ABCB1: variants seen among roughly 807,000 people sequenced by gnomAD.
ABCB1 encodes the protein ATP-dependent translocase ABCB1.
Under a neutral mutation model 142.0 loss-of-function variants are expected in ABCB1, and 69 were observed. That is an observed-to-expected ratio of 0.49 (90% CI 0.40 to 0.59). ABCB1 has a LOEUF of 0.59. Ranked by LOEUF, ABCB1 falls within the 20% of genes least tolerant of loss-of-function variation. ABCB1 has a pLI of 0.00. For missense variants in ABCB1, 1,326 were observed against 1,554.7 expected (o/e 0.85, Z 2.47); for synonymous variants, 532 against 539.2 (o/e 0.99, Z 0.18).
At chr7:87,546,569 A>T (rs7804127) in intron 14 of ABCB1, among the ~76,000 whole-genome samples, 6 of 144,784 alleles carry the variant, frequency 4.1e-5, no homozygotes, top group Non-Finnish European at 9.2e-5. Flanking sequence ...AAAAAAAAAT[A>T]AAAAATAAAA....
chr7:87,531,221 G>A (rs1816041260), intron 21 of ABCB1, 73 bp downstream of exon 21: 1 of 1,251,964 alleles, frequency 8.0e-7, no homozygotes, highest in Non-Finnish European at 1.2e-6. Flanking sequence ...GTAAGCAGTA[G>A]GGAGTAACAA....
intron 1 of ABCB1, among the ~76,000 whole-genome samples, chr7:87,708,762 C>T (rs946857450): frequency 1.3e-5 from 2 of 152,050 alleles, no homozygotes; most frequent in African/African-American, 4.8e-5. Flanking sequence ...TGAATTTCTT[C>T]TCTTCTAATT....
At chr7:87,569,037 G>T (rs768058681) in intron 5 of ABCB1, among the ~76,000 whole-genome samples, 3 of 152,100 alleles carry the variant, frequency 2.0e-5, no homozygotes, top group Non-Finnish European at 4.4e-5. Context: ...ATATGATAAA[G>T]TGTCTCCATT....
At position 87,628,975 on chromosome 7, in the gene ABCB1, C is replaced by T. The variant is rs199898687; in HGVS notation, c.-330-27897G>A. On this transcript the variant is annotated intron_variant, in intron 1 of 28. Transcript: ENST00000265724. Reference sequence around the variant, plus strand: ...GGCAGCGCAGGGCGAGGGGAACCAGCCTCCCGCCGGGGCTGAGAGCTCTGG... The same window carrying T: ...GGCAGCGCAGGGCGAGGGGAACCAGTCTCCCGCCGGGGCTGAGAGCTCTGG... The T allele has an allele frequency of 9.7e-5, 127 of 1,306,030 alleles. No homozygotes were observed. In the East Asian group the frequency reaches 3.5e-3, roughly 36 times the overall value. 80.9% of individuals were successfully genotyped at this position (1,306,030 alleles called of 1,614,324 possible).
intron 4 of ABCB1, among the ~76,000 whole-genome samples, chr7:87,574,131 C>A (rs900119862): frequency 1.3e-5 from 2 of 152,076 alleles, no homozygotes; most frequent in African/African-American, 4.8e-5. Flanking sequence ...AGAGCAAGAC[C>A]TCAGAAAAGG....
chr7:87,561,845 G>C (rs1817573929), intron 7 of ABCB1, among the ~76,000 whole-genome samples: 1 of 152,072 alleles, frequency 6.6e-6, no homozygotes, highest in African/African-American at 2.4e-5. Context: ...AATTAGCTAG[G>C]TGTGGTGGCA....
intron 1 of ABCB1, among the ~76,000 whole-genome samples, chr7:87,712,634 A>G (rs1265069840): frequency 6.6e-6 from 1 of 152,114 alleles, no homozygotes; most frequent in African/African-American, 2.4e-5. Context: ...TTATTTTTAG[A>G]ACAAGTAGTT....
chr7:87,710,854 A>G (rs916165300), intron 1 of ABCB1, among the ~76,000 whole-genome samples: 1 of 152,208 alleles, frequency 6.6e-6, no homozygotes, highest in African/African-American at 2.4e-5. Flanking sequence ...TTCTGTAAAA[A>G]GATACACATT....
At chr7:87,514,025 G>C (rs1429551458) in intron 25 of ABCB1, among the ~76,000 whole-genome samples, 8 of 152,134 alleles carry the variant, frequency 5.3e-5, no homozygotes, top group Non-Finnish European at 1.0e-4. Context: ...GTAAAAGTAG[G>C]GAACAAGCTT....
Position 87,546,449 on chromosome 7 carries a change from A to G in ABCB1, c.1726-425T>C, listed in dbSNP as rs577242096. Among the ~76,000 whole-genome samples the G allele has an allele frequency of 1.6e-4, 24 of 152,108 alleles. 1 individual carries two copies. Among genetic ancestry groups the G allele is most frequent in the Admixed American group, 1.0e-3 (16 of 15,288 alleles). On this transcript the variant is annotated intron_variant, in intron 14 of 27. Coordinates refer to ENST00000622132, the MANE Select transcript of ABCB1 (RefSeq NM_001348946.2). ...TAAAAATACAAAAAATTAGCTGGGC[A>G]TGGTGGCGGGTGCCTGTAGTCCCCG... is the stretch of plus-strand genomic sequence containing the variant.
At position 87,641,519 on chromosome 7, in the gene ABCB1, A is replaced by G. The variant is rs1385184051; in HGVS notation, c.-330-40441T>C. Among the ~76,000 whole-genome samples, 3 of 152,182 alleles carry G rather than the reference A, an allele frequency of 2.0e-5. No homozygotes were observed. In the East Asian group the frequency reaches 5.8e-4, roughly 29 times the overall value. ...TATTTTCTAGCACCCTTCCTCCAGC[A>G]AGCCAAAACAACAAAATGCACTGAT... On this transcript the variant is annotated intron_variant, in intron 1 of 28. Coordinates refer to the ABCB1 transcript ENST00000265724.
At chr7:87,550,642 G>A in intron 10 of ABCB1, 64 bp from the exon 11 acceptor site, 1 of 1,572,740 alleles carries the variant, frequency 6.4e-7, no homozygotes, top group Non-Finnish European at 8.7e-7. Flanking sequence ...GATATTTTGT[G>A]GAGAGCTGGA....
chr7:87,532,623 G>C (rs781537453), intron 20 of ABCB1, among the ~76,000 whole-genome samples: 1 of 152,142 alleles, frequency 6.6e-6, no homozygotes, highest in Non-Finnish European at 1.5e-5. Flanking sequence ...GTTCTGAGAA[G>C]AGCCCACCCC....
intron 3 of ABCB1, among the ~76,000 whole-genome samples, chr7:87,589,815 A>AGAGAGAGAGG (rs1818915595): frequency 6.8e-6 from 1 of 146,498 alleles, no homozygotes; most frequent in African/African-American, 2.6e-5. Flanking sequence ...GGAGAGAGAG[A>AGAGAGAGAGG]GAGAGAGAGA....
chr7:87,621,254 A>T (rs2130096054), intron 1 of ABCB1, among the ~76,000 whole-genome samples: 1 of 152,272 alleles, frequency 6.6e-6, no homozygotes, highest in African/African-American at 2.4e-5. Flanking sequence ...GAGATGTTAA[A>T]AATAATTACC....
chr7:87,565,724 T>C (rs1478299686), intron 7 of ABCB1, among the ~76,000 whole-genome samples: 5 of 152,058 alleles, frequency 3.3e-5, no homozygotes. Flanking sequence ...CATCATCCAC[T>C]AGAGAGCATG....
At chr7:87,605,419 C>T (rs547842778), upstream of ABCB1, among the ~76,000 whole-genome samples, 2 of 152,184 alleles carry the variant, frequency 1.3e-5, no homozygotes, top group East Asian at 3.8e-4. Context: ...TAGGCATGAG[C>T]CACCACGCCC....
At chr7:87,634,969 T>C (rs1300113690) in intron 1 of ABCB1, among the ~76,000 whole-genome samples, 1 of 152,132 alleles carries the variant, frequency 6.6e-6, no homozygotes, top group Admixed American at 6.6e-5. Flanking sequence ...TCACAAAAGG[T>C]CATTTTCTCT....
intron 4 of ABCB1, among the ~76,000 whole-genome samples, chr7:87,583,716 C>T (rs1563063181): frequency 6.6e-6 from 1 of 151,000 alleles, no homozygotes; most frequent in African/African-American, 2.4e-5. Context: ...AGTGAGTTTA[C>T]TGTGTGTCTT....
Sources: allele counts gnomAD v4.1 joint callset (sites outside exome capture counted in the v4.1 genomes callset), GRCh38; gene constraint gnomAD v4.1.1; transcripts MANE v1.5; gene names NCBI Gene and HGNC (gene_info 2026-07-23, HGNC 2026-07-21).